The following THOC3 variants were observed in gnomAD, a reference collection of about 807,000 sequenced individuals.
THOC3 encodes the protein THO complex subunit 3, also known as TEX1 homolog.
Under a neutral mutation model 23.3 loss-of-function variants are expected in THOC3, and 4 were observed. The observed-to-expected ratio is 0.17, with a 90% CI of 0.08 to 0.39. The LOEUF is 0.39. Among genes scored for constraint, THOC3 ranks in the 10% least tolerant of loss-of-function variants. The pLI is 1.00. For missense variants in THOC3, 64 were observed against 359.4 expected (o/e 0.18, Z 6.65); for synonymous variants, 27 against 141.5 (o/e 0.19, Z 5.74).
chr5:175,967,447 C>T, intron 1 of THOC3, 180 bp from the exon 2 acceptor site: 3 of 343,722 alleles, frequency 8.7e-6, no homozygotes, highest in Non-Finnish European at 1.6e-5. Flanking sequence ...CTGTTTTTCT[C>T]AGCTTCCACA....
intron 2 of THOC3, 66 bp from the exon 3 acceptor site, chr5:175,965,221 C>G (rs563484010): frequency 6.2e-7 from 1 of 1,608,068 alleles, no homozygotes; most frequent in East Asian, 2.2e-5. Flanking sequence ...GTTTATTGCA[C>G]TATCCTAGAA....
intron 3 of THOC3, among the ~76,000 whole-genome samples, chr5:175,961,671 A>G (rs557778467): frequency 1.2e-4 from 18 of 152,302 alleles, no homozygotes; most frequent in South Asian, 4.2e-4. Context: ...AAACTAGTGG[A>G]CTTTAAAGAA....
intron 2 of THOC3, among the ~76,000 whole-genome samples, chr5:175,966,787 A>T (rs564879023): frequency 1.3e-5 from 2 of 151,394 alleles, no homozygotes; most frequent in African/African-American, 4.9e-5. Flanking sequence ...CACCCTGACC[A>T]CTCAACTCCT....
At chr5:175,962,518 CTCCT>C (rs1267021880) in intron 3 of THOC3, among the ~76,000 whole-genome samples, 1 of 105,142 alleles carries the variant, frequency 9.5e-6, no homozygotes, top group Non-Finnish European at 1.8e-5. Context: ...GAATGTAAGG[CTCCT>C]TTTTTTTTTT....
intron 5 of THOC3, chr5:175,960,602 T>C (rs1756643835): frequency 8.3e-6 from 1 of 119,818 alleles, no homozygotes; most frequent in African/African-American, 3.2e-5. Context: ...GAAATTCTTT[T>C]GCAAAATGAA....
Position 175,967,520 on chromosome 5 carries a change from T to C in THOC3, c.268-253A>G, listed in dbSNP as rs971716816. The C allele has an allele frequency of 2.0e-3, 364 of 182,212 alleles. 12 individuals carry two copies. The highest frequency in any genetic ancestry group is 2.8e-4 in the Non-Finnish European group (27 of 96,130). 11.3% of individuals were successfully genotyped at this position (182,212 alleles called of 1,614,324 possible). A position where few individuals can be genotyped will look rare whatever the true frequency, so the allele number is the denominator to read the frequency against. ...CTCCTTCCTGGTTTTCCACCCTTAC[T>C]CTACCACCAACGTACCACCAACGTA... On this transcript the variant is annotated intron_variant, in intron 1 of 5. Coordinates refer to ENST00000265097, the MANE Select transcript of THOC3 (RefSeq NM_032361.4).
chr5:175,963,132 T>C (rs541867278), intron 3 of THOC3, among the ~76,000 whole-genome samples: 2,152 of 151,838 alleles, frequency 0.014, no homozygotes, highest in Middle Eastern at 0.021. Flanking sequence ...AAAATCATTA[T>C]CTGACAAACA....
chr5:175,968,097 T>G lies in THOC3; in HGVS notation c.112A>C (p.Met38Leu). 1 of 1,610,870 alleles carries G rather than the reference T, an allele frequency of 6.2e-7. No individual in the cohort carries two copies. Among genetic ancestry groups the G allele is most frequent in the East Asian group, 2.2e-5 (1 of 44,884 alleles). ...CTGTGGCCCCGGAACAGCTCCTGCA[T>G]CCCAAGCACGTAGCGCGACGGGCCG... is the stretch of plus-strand genomic sequence containing the variant. ...SSGPSRYVLG[M>L]QELFRGHSKT... The change falls in exon 1 of 6, where the codon ATG becomes CTG. Residue 38 changes from methionine to leucine, a missense_variant. By Grantham distance (15) the Met-to-Leu change is conservative. Coordinates refer to ENST00000265097, the MANE Select transcript of THOC3 (RefSeq NM_032361.4).
chr5:175,964,937 C>T lies in THOC3; in HGVS notation c.629+14G>A. 1.0e-6 allele frequency: 1 copy of T among 993,272 alleles called. No homozygotes were observed. The highest frequency in any genetic ancestry group is 1.5e-6 in the Non-Finnish European group (1 of 665,842). 61.5% of individuals were successfully genotyped at this position (993,272 alleles called of 1,614,324 possible). ...CACAAAGACATGACAGTCCCCTAAG[C>T]TAGACCCCCTCACCTGAGGATGTTG... On this transcript the variant is annotated intron_variant, in intron 3 of 5. Coordinates refer to ENST00000265097, the MANE Select transcript of THOC3 (RefSeq NM_032361.4).
In THOC3 at chr5:175,960,208, T is replaced by C. The variant is rs539021587; in HGVS notation, c.893-76A>G. The C allele has an allele frequency of 4.9e-5, 29 of 586,800 alleles. 2 individuals carry two copies. The African/African-American group carries it at 5.7e-4, about 12-fold the overall frequency. 36.3% of individuals were successfully genotyped at this position (586,800 alleles called of 1,614,324 possible). A position where few individuals can be genotyped will look rare whatever the true frequency, so the allele number is the denominator to read the frequency against. ...ACATTCATTAAGTACTTACCAGTATTAACTGGTTTAATCCACCTACTAATC... is the reference window on the plus strand; with the variant it reads ...ACATTCATTAAGTACTTACCAGTATCAACTGGTTTAATCCACCTACTAATC... On this transcript the variant is annotated intron_variant, in intron 5 of 5. Coordinates refer to ENST00000265097, the MANE Select transcript of THOC3 (RefSeq NM_032361.4).
chr5:175,961,808 A>C (rs1325171361), intron 3 of THOC3, among the ~76,000 whole-genome samples: 2 of 152,080 alleles, frequency 1.3e-5, no homozygotes, highest in African/African-American at 4.8e-5. Context: ...AGCAAAACTG[A>C]ATTTCAAATA....
intron 3 of THOC3, among the ~76,000 whole-genome samples, chr5:175,963,248 G>C (rs1756700229): frequency 6.6e-6 from 1 of 152,188 alleles, no homozygotes; most frequent in Non-Finnish European, 1.5e-5. Flanking sequence ...CACATAAACA[G>C]CATATGGAAT....
intron 3 of THOC3, among the ~76,000 whole-genome samples, chr5:175,964,406 G>A (rs1223272737): frequency 1.3e-5 from 2 of 152,282 alleles, no homozygotes; most frequent in African/African-American, 4.8e-5. Context: ...ATCACCTGAG[G>A]TCGGGAGTTG....
chr5:175,962,417 T>TACACACACAA (rs775994149), intron 3 of THOC3, among the ~76,000 whole-genome samples: 1 of 42,532 alleles, frequency 2.4e-5, no homozygotes, highest in Admixed American at 2.3e-4. Context: ...AATATATATA[T>TACACACACAA]ATATACACAC....
At chr5:175,962,521 CTTTT>C (rs151187689) in intron 3 of THOC3, among the ~76,000 whole-genome samples, 19 of 109,498 alleles carry the variant, frequency 1.7e-4, no homozygotes, top group African/African-American at 5.2e-4. Flanking sequence ...TGTAAGGCTC[CTTTT>C]TTTTTTTTTT....
In THOC3 at chr5:175,959,590, T is replaced by C. The variant is rs1356954036; in HGVS notation, c.*379A>G. ...CAATTCTCAAAATTATATATATATA[T>C]TTTTAATTATTTAAAAAAACTTCCA... is the stretch of plus-strand genomic sequence containing the variant. On this transcript the variant is annotated 3_prime_UTR_variant, in exon 6 of 6. Coordinates refer to ENST00000265097, the MANE Select transcript of THOC3 (RefSeq NM_032361.4). 6.9e-6 allele frequency: 1 copy of C among 144,660 alleles called. No individual in the cohort carries two copies. The highest frequency in any genetic ancestry group is 1.5e-5 in the Non-Finnish European group (1 of 66,936). 9.0% of individuals were successfully genotyped at this position (144,660 alleles called of 1,614,324 possible). A position where few individuals can be genotyped will look rare whatever the true frequency, so the allele number is the denominator to read the frequency against.
At chr5:175,965,591 A>C (rs1371558110) in intron 2 of THOC3, among the ~76,000 whole-genome samples, 1 of 152,122 alleles carries the variant, frequency 6.6e-6, no homozygotes, top group Admixed American at 6.5e-5. Flanking sequence ...CACCAGGCTA[A>C]TTTTTTTGTA....
chr5:175,963,319 G>A (rs1373323489), intron 3 of THOC3, among the ~76,000 whole-genome samples: 3 of 152,076 alleles, frequency 2.0e-5, no homozygotes, highest in South Asian at 4.1e-4. Flanking sequence ...CAACAGCTAC[G>A]TTTTCGGAAG....
chr5:175,967,531 C>A, intron 1 of THOC3: 1 of 273,702 alleles, frequency 3.7e-6, no homozygotes, highest in South Asian at 3.5e-5. Flanking sequence ...CTACCACCAA[C>A]GTACCACCAA....
Sources: allele counts gnomAD v4.1 joint callset (sites outside exome capture counted in the v4.1 genomes callset), GRCh38; gene constraint gnomAD v4.1.1; transcripts MANE v1.5; gene names NCBI Gene and HGNC (gene_info 2026-07-23, HGNC 2026-07-21).